SLC13A3: variants seen among roughly 807,000 people sequenced by gnomAD.
The protein encoded by SLC13A3 is Na(+)/dicarboxylate cotransporter 3.
A neutral mutation model predicts 59.0 loss-of-function variants in SLC13A3; 40 were observed. The ratio of observed to expected loss-of-function variants is 0.68; its 90% CI spans 0.53 to 0.88. The LOEUF is 0.88. SLC13A3 is among the 40% of genes least tolerant of loss of function. The pLI is 0.00. For synonymous variants in SLC13A3, 317 were observed against 330.3 expected (o/e 0.96, Z 0.44); for missense variants, 699 against 783.2 (o/e 0.89, Z 1.28).
intron 3 of SLC13A3, among the ~76,000 whole-genome samples, chr20:46,610,233 T>C (rs987830552): frequency 6.6e-6 from 1 of 152,238 alleles, no homozygotes; most frequent in African/African-American, 2.4e-5. Flanking sequence ...CTGCTCAGTA[T>C]ACAGTATGTG....
At chr20:46,614,564 T>G (rs1269202378) in intron 1 of SLC13A3, among the ~76,000 whole-genome samples, 2 of 152,152 alleles carry the variant, frequency 1.3e-5, no homozygotes, top group Non-Finnish European at 2.9e-5. Flanking sequence ...ACACGGTACT[T>G]AGTGCAATGC....
At chr20:46,568,332 A>G (rs933131713) in intron 10 of SLC13A3, among the ~76,000 whole-genome samples, 4 of 133,382 alleles carry the variant, frequency 3.0e-5, no homozygotes, top group Non-Finnish European at 6.2e-5. Context: ...AGGGAAGCGG[A>G]GGTTGCAGTG....
intron 4 of SLC13A3, 66 bp from the exon 5 acceptor site, chr20:46,596,408 G>A (rs2062313756): frequency 6.9e-7 from 1 of 1,444,130 alleles, no homozygotes. Context: ...CTGCCTGGGA[G>A]TTGGGGAGCT....
rs758592203 is a variant in SLC13A3 at position 46,613,465 on chromosome 20, C to T, written c.372G>A (p.Pro124=). 33 of 1,586,816 alleles carry T rather than the reference C, an allele frequency of 2.1e-5. No homozygotes were observed. Among genetic ancestry groups the T allele is most frequent in the African/African-American group, 6.7e-5 (5 of 74,628 alleles). The part of the protein sequence containing the change: ...LKILMLVGVQ[P]ARLILGMMVT... ...GAACCATTACCTGTTCTTACCTGGC[C>T]GGCTGGACTCCAACAAGCATCAGGA... Residue 124 remains proline, a synonymous_variant, in exon 2 of 13, where the codon CCG becomes CCA. Coordinates refer to ENST00000279027, the MANE Select transcript of SLC13A3 (RefSeq NM_022829.6).
intron 1 of SLC13A3, among the ~76,000 whole-genome samples, chr20:46,625,840 T>A (rs1228818884): frequency 6.6e-6 from 1 of 152,248 alleles, no homozygotes; most frequent in Non-Finnish European, 1.5e-5. Flanking sequence ...ATCAGTAGCC[T>A]ATTCTTTTTT....
At chr20:46,672,198 C>T (rs1329301955), upstream of SLC13A3, among the ~76,000 whole-genome samples, 2 of 152,212 alleles carry the variant, frequency 1.3e-5, no homozygotes, top group African/African-American at 4.8e-5. Flanking sequence ...CTGCCTGGCA[C>T]ATGAGTGGGA....
chr20:46,626,185 C>T, intron 1 of SLC13A3, among the ~76,000 whole-genome samples: 1 of 149,232 alleles, frequency 6.7e-6, no homozygotes, highest in Non-Finnish European at 1.5e-5. Context: ...CCTCTCCCTC[C>T]CTCCTTCTTC....
Position 46,566,244 on chromosome 20 carries a change from C to A in SLC13A3, c.1479G>T (p.Pro493=). 1 of 1,613,384 alleles carries A rather than the reference C, an allele frequency of 6.2e-7. No homozygotes were observed. Among genetic ancestry groups the A allele is most frequent in the Non-Finnish European group, 8.5e-7 (1 of 1,179,522 alleles). ...GGACCCTCACCAGCTCTGCCAGGAC[C>A]GGCAGGAAGATGATGATGGTCGCCG... ...SNTATIIIFL[P]VLAELAIRLR... Residue 493 remains proline, a synonymous_variant, in exon 11 of 13, where the codon CCG becomes CCT. Transcript: ENST00000279027.
At chr20:46,674,609 G>GTGTGTGTA (rs2063113305), upstream of SLC13A3, among the ~76,000 whole-genome samples, 1 of 138,498 alleles carries the variant, frequency 7.2e-6, no homozygotes, top group Non-Finnish European at 1.6e-5. Flanking sequence ...GCGCGCGTGT[G>GTGTGTGTA]TGTGTGTGTG....
intron 3 of SLC13A3, 48 bp downstream of exon 3, chr20:46,610,398 C>A: frequency 6.4e-7 from 1 of 1,562,732 alleles, no homozygotes; most frequent in South Asian, 1.2e-5. Context: ...CCCATTCCCA[C>A]TTCCAAATCC....
At chr20:46,654,822 T>A (rs1239656257), upstream of SLC13A3, among the ~76,000 whole-genome samples, 1 of 152,210 alleles carries the variant, frequency 6.6e-6, no homozygotes, top group East Asian at 1.9e-4. Flanking sequence ...TGAGCCACCA[T>A]GCCTGGCCAA....
At chr20:46,670,327 G>T (rs1299832860), upstream of SLC13A3, among the ~76,000 whole-genome samples, 1 of 152,068 alleles carries the variant, frequency 6.6e-6, no homozygotes, top group African/African-American at 2.4e-5. Context: ...CATGGCTTGA[G>T]CTCCAGCAGC....
intron 9 of SLC13A3, chr20:46,582,899 CCA>C (rs2062152351): frequency 6.1e-6 from 6 of 985,338 alleles, no homozygotes; most frequent in Non-Finnish European, 7.2e-6. Context: ...AATCTGAAGG[CCA>C]CAGTCTACAA....
Position 46,651,309 on chromosome 20 carries a change from AC to A in SLC13A3, c.111+1del, listed in dbSNP as rs1167847711. 6.7e-7 allele frequency: 1 copy of A among 1,501,976 alleles called. No homozygotes were observed. Among genetic ancestry groups the A allele is most frequent in the Non-Finnish European group, 8.9e-7 (1 of 1,127,274 alleles). The allele number at this position is 1,501,976 out of a possible 1,614,324, so 93.0% of individuals were successfully genotyped here. On this transcript the variant is annotated splice_donor_variant, in intron 1 of 12. Transcript: ENST00000279027. LOFTEE classifies it high-confidence loss of function. The stretch of plus-strand genomic sequence containing the variant: ...GGGGCGCACAGGCGGAGGAGGCGTT[AC>A]CTTGGGCGGGAGGGCGAAGACCACC...
intron 1 of SLC13A3, among the ~76,000 whole-genome samples, chr20:46,625,396 G>C (rs1278741398): frequency 6.6e-6 from 1 of 152,092 alleles, no homozygotes; most frequent in African/African-American, 2.4e-5. Context: ...GTGTCTGCAG[G>C]GGTTTTTGTC....
At chr20:46,567,919 G>C (rs1010150374) in intron 10 of SLC13A3, among the ~76,000 whole-genome samples, 1 of 152,144 alleles carries the variant, frequency 6.6e-6, no homozygotes, top group Non-Finnish European at 1.5e-5. Context: ...CAAAGCTGTA[G>C]GTTTTGGAGC....
chr20:46,600,999 G>C (rs1600542962), intron 3 of SLC13A3, among the ~76,000 whole-genome samples: 1 of 152,088 alleles, frequency 6.6e-6, no homozygotes, highest in Non-Finnish European at 1.5e-5. Context: ...CCTGGGAAAA[G>C]GGTGCAAGGA....
At chr20:46,682,209 A>C (rs1019557839) in intron 1 of SLC13A3, 19 of 152,256 alleles carry the variant, frequency 1.2e-4, no homozygotes, top group African/African-American at 4.3e-4. Flanking sequence ...TCAAATTGGC[A>C]AACTATCGCC....
At chr20:46,646,195 C>T (rs1448373409) in intron 1 of SLC13A3, among the ~76,000 whole-genome samples, 1 of 152,174 alleles carries the variant, frequency 6.6e-6, no homozygotes, top group Non-Finnish European at 1.5e-5. Context: ...AACTCAAGGG[C>T]CTCTCTCACT....
Sources: allele counts gnomAD v4.1 joint callset (sites outside exome capture counted in the v4.1 genomes callset), GRCh38; gene constraint gnomAD v4.1.1; transcripts MANE v1.5; gene names NCBI Gene and HGNC (gene_info 2026-07-23, HGNC 2026-07-21).